Variants in GPLD1 observed in about 807,000 individuals in gnomAD.
GPLD1 encodes glycosylphosphatidylinositol specific phospholipase D1.
Under a neutral mutation model 112.6 loss-of-function variants are expected in GPLD1, and 84 were observed. That is an observed-to-expected ratio of 0.75 (90% CI 0.63 to 0.89). The LOEUF (loss-of-function observed/expected upper bound fraction) is 0.89, where lower values mean the gene tolerates loss of function less well. Ranked by LOEUF, GPLD1 falls within the 40% of genes least tolerant of loss-of-function variation. The pLI is 0.00. For missense variants in GPLD1, 1,044 were observed against 1,051.5 expected (o/e 0.99, Z 0.10); for synonymous variants, 386 against 403.8 (o/e 0.96, Z 0.53).
At chr6:24,435,052 C>T (rs1478156503) in intron 22 of GPLD1, among the ~76,000 whole-genome samples, 1 of 146,284 alleles carries the variant, frequency 6.8e-6, no homozygotes, top group East Asian at 2.1e-4. Flanking sequence ...CTTGCTGTTG[C>T]CCAGGTTGGA....
In GPLD1 at chr6:24,427,198, A is replaced by G. The variant is rs1762264703; in HGVS notation, c.*1834T>C. On this transcript the variant is annotated 3_prime_UTR_variant, in exon 25 of 25. Transcript: ENST00000230036. ...TAATGTTTACTGAAACTGAAACCCTATGATACATTCCATTCCCTTAAGTGT... is the reference window on the plus strand; with the variant it reads ...TAATGTTTACTGAAACTGAAACCCTGTGATACATTCCATTCCCTTAAGTGT... Among the ~76,000 whole-genome samples the G allele has an allele frequency of 1.3e-5, 2 of 152,236 alleles. No individual in the cohort carries two copies. The highest frequency in any genetic ancestry group is 4.8e-5 in the African/African-American group (2 of 41,462).
Position 24,479,992 on chromosome 6 carries a change from C to A in GPLD1, c.154-33G>T, listed in dbSNP as rs1455509192. 3 of 1,313,924 alleles carry A rather than the reference C, an allele frequency of 2.3e-6. No homozygotes were observed. The South Asian group carries it at 3.5e-5, about 15-fold the overall frequency. 81.4% of individuals were successfully genotyped at this position (1,313,924 alleles called of 1,614,324 possible). ...GCAAGAAAATACAGAGATTAAGGGGCAGGAGTCAACAGCCTGGGGAGTATA... is the reference window on the plus strand; with the variant it reads ...GCAAGAAAATACAGAGATTAAGGGGAAGGAGTCAACAGCCTGGGGAGTATA... On this transcript the variant is annotated intron_variant, in intron 2 of 24. Coordinates refer to ENST00000230036, the MANE Select transcript of GPLD1 (RefSeq NM_001503.4).
At chr6:24,489,312 G>A (rs1157331473) in intron 1 of GPLD1, 103 bp downstream of exon 1, 2 of 860,822 alleles carry the variant, frequency 2.3e-6, no homozygotes, top group African/African-American at 3.3e-5. Context: ...TCAGTGCCCA[G>A]GGGAAACTGT....
intron 8 of GPLD1, 57 bp from the exon 9 acceptor site, chr6:24,466,996 G>T: frequency 6.9e-7 from 1 of 1,453,530 alleles, no homozygotes; most frequent in Non-Finnish European, 9.7e-7. Flanking sequence ...GAGAAATGAA[G>T]CAAATAATGA....
At chr6:24,432,300 A>C (rs1437032717) in intron 24 of GPLD1, among the ~76,000 whole-genome samples, 1 of 151,934 alleles carries the variant, frequency 6.6e-6, no homozygotes, top group Non-Finnish European at 1.5e-5. Context: ...AGCCATAGAA[A>C]AACAGAAAAA....
Position 24,489,522 on chromosome 6 carries a change from C to T in GPLD1, c.-11G>A. 6.2e-7 allele frequency: 1 copy of T among 1,613,636 alleles called. No homozygotes were observed. Among genetic ancestry groups the T allele is most frequent in the Non-Finnish European group, 8.5e-7 (1 of 1,179,676 alleles). On this transcript the variant is annotated 5_prime_UTR_variant, in exon 1 of 25. Transcript: ENST00000230036. ...CCTGAAAGCAGACATGATCTCATTG[C>T]CCACCGGCTTCTCTGGTGACGTGGG...
upstream of GPLD1, chr6:24,495,238 C>G (rs967891910): frequency 2.6e-6 from 4 of 1,523,498 alleles, no homozygotes; most frequent in African/African-American, 2.8e-5. Flanking sequence ...GTGCAAGACC[C>G]GGCCAGCGGC....
intron 14 of GPLD1, among the ~76,000 whole-genome samples, chr6:24,452,584 T>G (rs1561839323): frequency 1.3e-5 from 2 of 152,118 alleles, no homozygotes; most frequent in African/African-American, 4.8e-5. Context: ...AAGACCAGCC[T>G]TACCAATATG....
At position 24,495,081 on chromosome 6, in the gene GPLD1, G is replaced by A. The variant is rs940450388; in HGVS notation, n.125C>T. ...AGGCTGCCGCCTCCGCCCCCGCGCC[G>A]GCGGCCTGGTCCCTGCCTCCGGGCC... On this transcript the variant is annotated non_coding_transcript_exon_variant, in exon 1 of 11. Transcript: ENST00000474784. The A allele has an allele frequency of 4.5e-6, 6 of 1,319,176 alleles. No homozygotes were observed. The African/African-American group carries it at 9.1e-5, about 20-fold the overall frequency. 81.7% of individuals were successfully genotyped at this position (1,319,176 alleles called of 1,614,324 possible). A position where few individuals can be genotyped will look rare whatever the true frequency, so the allele number is the denominator to read the frequency against.
intron 20 of GPLD1, among the ~76,000 whole-genome samples, 158 bp from the exon 21 acceptor site, chr6:24,437,447 C>T (rs999710073): frequency 6.6e-6 from 1 of 152,222 alleles, no homozygotes; most frequent in Non-Finnish European, 1.5e-5. Context: ...GTACAACCAG[C>T]TTGGGCACCA....
At chr6:24,437,437 G>A (rs1762616997) in intron 20 of GPLD1, 148 bp from the exon 21 acceptor site, 4 of 670,370 alleles carry the variant, frequency 6.0e-6, no homozygotes, top group Non-Finnish European at 1.0e-5. Flanking sequence ...AGTCAGGGAG[G>A]TACAACCAGC....
intron 1 of GPLD1, 82 bp from the exon 2 acceptor site, chr6:24,486,212 A>G: frequency 1.1e-6 from 1 of 879,788 alleles, no homozygotes; most frequent in Non-Finnish European, 1.8e-6. Context: ...TAAAAGAAAA[A>G]TACACAATTT....
intron 20 of GPLD1, among the ~76,000 whole-genome samples, chr6:24,445,156 T>G (rs1436935317): frequency 6.6e-6 from 1 of 152,114 alleles, no homozygotes; most frequent in African/African-American, 2.4e-5. Flanking sequence ...GCCTCCCGAG[T>G]AGCTGGGATT....
chr6:24,449,761 C>T (rs777701242), intron 15 of GPLD1, 28 bp downstream of exon 15: 2 of 1,517,782 alleles, frequency 1.3e-6, no homozygotes, highest in Admixed American at 1.7e-5. Flanking sequence ...CCCCATTCTC[C>T]TCCAACCCTA....
chr6:24,445,967 T>G, intron 18 of GPLD1, 136 bp from the exon 19 acceptor site: 2 of 653,454 alleles, frequency 3.1e-6, no homozygotes, highest in Non-Finnish European at 5.4e-6. Context: ...ACCCCAGGCC[T>G]GGAAGTGTGG....
At chr6:24,472,527 T>C in intron 7 of GPLD1, 55 bp downstream of exon 7, 2 of 980,068 alleles carry the variant, frequency 2.0e-6, no homozygotes, top group Non-Finnish European at 3.2e-6. Context: ...AGAAAAAAAG[T>C]CAAGGCTCTA....
intron 3 of GPLD1, among the ~76,000 whole-genome samples, chr6:24,479,274 AAG>A (rs753679442): frequency 8.5e-5 from 13 of 152,288 alleles, no homozygotes; most frequent in Non-Finnish European, 1.6e-4. Flanking sequence ...CTCAGTCTGT[AAG>A]AGAGAGAGTG....
chr6:24,436,537 C>G, intron 22 of GPLD1, 39 bp downstream of exon 22: 1 of 1,568,768 alleles, frequency 6.4e-7, no homozygotes, highest in Non-Finnish European at 8.8e-7. Flanking sequence ...AATTAGTGAT[C>G]CTTTCCCAAT....
intron 2 of GPLD1, among the ~76,000 whole-genome samples, chr6:24,480,183 C>T (rs1379246741): frequency 6.6e-6 from 1 of 152,160 alleles, no homozygotes; most frequent in Non-Finnish European, 1.5e-5. Flanking sequence ...CCCTACCAAA[C>T]ACAGAGAGGC....
Sources: allele counts gnomAD v4.1 joint callset (sites outside exome capture counted in the v4.1 genomes callset), GRCh38; gene constraint gnomAD v4.1.1; transcripts MANE v1.5; gene names NCBI Gene and HGNC (gene_info 2026-07-23, HGNC 2026-07-21).